Variants in TPRG1 observed in about 807,000 individuals in gnomAD.
TPRG1 encodes tumor protein p63 regulated 1.
Under a neutral mutation model 29.3 loss-of-function variants are expected in TPRG1, and 29 were observed. The ratio of observed to expected loss-of-function variants is 0.99; its 90% CI spans 0.74 to 1.35. The LOEUF is 1.35. TPRG1 is among the 40% of genes most tolerant of loss of function. TPRG1 has a pLI of 0.00. For missense variants in TPRG1, 327 were observed against 335.0 expected, an observed-to-expected ratio of 0.98 and a Z score of 0.19; for synonymous variants, 130 against 116.8, an observed-to-expected ratio of 1.11 and a Z score of -0.73.
intron 5 of TPRG1, among the ~76,000 whole-genome samples, chr3:189,164,764 G>A (rs1208605972): frequency 6.6e-6 from 1 of 152,140 alleles, no homozygotes; most frequent in Non-Finnish European, 1.5e-5. Context: ...GGGAACAGCA[G>A]GTGTGGGAAG....
At chr3:189,238,014 C>T (rs917080080) in intron 3 of TPRG1, among the ~76,000 whole-genome samples, 5 of 152,200 alleles carry the variant, frequency 3.3e-5, no homozygotes, top group South Asian at 2.1e-4. Flanking sequence ...TATTTCTGTT[C>T]TCTCTGTTGG....
At chr3:189,079,356 T>A (rs996926068) in intron 4 of TPRG1, among the ~76,000 whole-genome samples, 6 of 152,154 alleles carry the variant, frequency 3.9e-5, no homozygotes, top group Non-Finnish European at 8.8e-5. Flanking sequence ...CCAAACTATG[T>A]CACATCATGA....
chr3:189,318,017 C>T (rs1268998299), intron 5 of TPRG1, among the ~76,000 whole-genome samples: 1 of 151,998 alleles, frequency 6.6e-6, no homozygotes, highest in African/African-American at 2.4e-5. Flanking sequence ...AGGATAATTC[C>T]AGGAAAAAAT....
intron 1 of TPRG1, among the ~76,000 whole-genome samples, chr3:189,122,086 G>C (rs182865111): frequency 6.6e-6 from 1 of 151,958 alleles, no homozygotes; most frequent in Non-Finnish European, 1.5e-5. Flanking sequence ...GCTTTGAGTT[G>C]TCTATACATT....
intron 4 of TPRG1, among the ~76,000 whole-genome samples, chr3:189,304,210 A>G (rs1721277986): frequency 6.6e-6 from 1 of 152,014 alleles, no homozygotes; most frequent in Non-Finnish European, 1.5e-5. Flanking sequence ...GGATCTTACA[A>G]ATGATCTAGT....
At chr3:189,014,589 G>A (rs944487503) in intron 3 of TPRG1, among the ~76,000 whole-genome samples, 1 of 152,040 alleles carries the variant, frequency 6.6e-6, no homozygotes, top group Non-Finnish European at 1.5e-5. Flanking sequence ...TCATGGGAGG[G>A]GCCTGGTGCA....
chr3:189,221,249 A>G (rs1045378723), intron 3 of TPRG1, among the ~76,000 whole-genome samples: 3 of 152,230 alleles, frequency 2.0e-5, no homozygotes, highest in Non-Finnish European at 4.4e-5. Context: ...TAATCTTCAC[A>G]GTAACAGTCT....
At chr3:189,288,409 G>A (rs1437591657) in intron 4 of TPRG1, among the ~76,000 whole-genome samples, 2 of 152,252 alleles carry the variant, frequency 1.3e-5, no homozygotes, top group East Asian at 3.9e-4. Context: ...TAGCACATAG[G>A]ATGACTAAGA....
At chr3:189,248,441 TC>T (rs1741675955) in intron 4 of TPRG1, among the ~76,000 whole-genome samples, 1 of 151,746 alleles carries the variant, frequency 6.6e-6, no homozygotes, top group Non-Finnish European at 1.5e-5. Context: ...ACAATAGAAT[TC>T]TTTTTTTTCT....
chr3:189,055,619 A>G (rs1715617605), intron 4 of TPRG1, among the ~76,000 whole-genome samples: 1 of 152,214 alleles, frequency 6.6e-6, no homozygotes, highest in Admixed American at 6.5e-5. Context: ...TATGTAACAT[A>G]TCAGACACTT....
intron 5 of TPRG1, among the ~76,000 whole-genome samples, chr3:189,312,217 C>T (rs9811424): frequency 0.27 from 13,783 of 51,468 alleles, 2,854 homozygotes; most frequent in Middle Eastern, 0.46. Flanking sequence ...TTCTTTCTTT[C>T]TTAAGACGGA....
intron 5 of TPRG1, among the ~76,000 whole-genome samples, chr3:189,153,487 A>G (rs1442995392): frequency 6.6e-6 from 1 of 151,966 alleles, no homozygotes; most frequent in Non-Finnish European, 1.5e-5. Flanking sequence ...ATCTGAGGCA[A>G]GGTATCTTGG....
At chr3:189,314,010 A>G (rs1480282507) in intron 5 of TPRG1, among the ~76,000 whole-genome samples, 1 of 152,190 alleles carries the variant, frequency 6.6e-6, no homozygotes, top group Non-Finnish European at 1.5e-5. Context: ...GGGAAAGAAG[A>G]TGAGGAGATT....
intron 3 of TPRG1, among the ~76,000 whole-genome samples, chr3:189,217,691 C>T (rs1736280555): frequency 6.6e-6 from 1 of 152,076 alleles, no homozygotes; most frequent in Non-Finnish European, 1.5e-5. Flanking sequence ...CAATGGAAAG[C>T]GCTGCTAGTT....
At chr3:189,182,776 A>AATTT (rs61264752) in intron 1 of TPRG1, among the ~76,000 whole-genome samples, 2 of 151,534 alleles carry the variant, frequency 1.3e-5, no homozygotes, top group African/African-American at 4.9e-5. Context: ...TCATTATAGG[A>AATTT]ATTTATTTAT....
chr3:189,145,086 G>A (rs977717027), intron 3 of TPRG1, among the ~76,000 whole-genome samples: 4 of 152,056 alleles, frequency 2.6e-5, no homozygotes, highest in East Asian at 1.9e-4. Context: ...GACACCGGCC[G>A]GGTGCGGTGG....
intron 3 of TPRG1, among the ~76,000 whole-genome samples, chr3:189,006,156 A>G (rs1256297032): frequency 6.6e-6 from 1 of 152,076 alleles, no homozygotes; most frequent in African/African-American, 2.4e-5. Context: ...CTCAATCCGC[A>G]TGCAGCTTCC....
At chr3:189,201,249 C>T (rs1302979006) in intron 1 of TPRG1, among the ~76,000 whole-genome samples, 1 of 152,200 alleles carries the variant, frequency 6.6e-6, no homozygotes, top group African/African-American at 2.4e-5. Flanking sequence ...GCTGAACAGC[C>T]AGCTTTTCTT....
At chr3:189,019,310 A>C (rs1262247320) in intron 3 of TPRG1, among the ~76,000 whole-genome samples, 1 of 152,110 alleles carries the variant, frequency 6.6e-6, no homozygotes, top group Non-Finnish European at 1.5e-5. Context: ...GTCTTGTGCC[A>C]GTTTTCAAAG....
Sources: gnomAD v4.1 joint callset for allele counts (sites outside exome capture counted in the v4.1 genomes callset) on GRCh38, gnomAD v4.1.1 for gene constraint, MANE v1.5 for transcripts, NCBI Gene and HGNC (gene_info 2026-07-23, HGNC 2026-07-21) for gene names.